ECI1: variants seen among roughly 807,000 people sequenced by gnomAD.
ECI1 encodes enoyl-CoA delta isomerase 1, also known as enoyl-CoA delta isomerase 1, mitochondrial.
Under a neutral mutation model 34.2 loss-of-function variants are expected in ECI1, and 34 were observed. The ratio of observed to expected loss-of-function variants is 1.00; its 90% CI spans 0.76 to 1.33. ECI1 has a LOEUF of 1.33. Among genes scored for constraint, ECI1 ranks in the 40% most tolerant of loss-of-function variants. The probability of loss-of-function intolerance (pLI) is 0.00; values close to 1 mark genes in which losing one functional copy is unlikely to be tolerated. For synonymous variants in ECI1, 211 were observed against 193.0 expected (o/e 1.09, Z -0.77); for missense variants, 456 against 422.2 (o/e 1.08, Z -0.70).
At chr16:2,250,932 C>A (rs1333692312) in intron 2 of ECI1, among the ~76,000 whole-genome samples, 1 of 152,228 alleles carries the variant, frequency 6.6e-6, no homozygotes, top group African/African-American at 2.4e-5. Context: ...AGCGATTCTT[C>A]TGCCTCAGCC....
intron 2 of ECI1, among the ~76,000 whole-genome samples, chr16:2,249,038 T>C (rs2093546734): frequency 6.6e-6 from 1 of 151,838 alleles, no homozygotes; most frequent in African/African-American, 2.4e-5. Context: ...ATTTATTTAT[T>C]TTATTTAATT....
chr16:2,239,924 C>T lies in ECI1; in HGVS notation c.*55G>A, dbSNP rs1244824543. ...AAGTTGAAAAATACCTTGTTTAAGACCTCCCTGGGACCCACAGGGGCACGT... is the reference window on the plus strand; with the variant it reads ...AAGTTGAAAAATACCTTGTTTAAGATCTCCCTGGGACCCACAGGGGCACGT... On this transcript the variant is annotated 3_prime_UTR_variant, in exon 7 of 7. Transcript: ENST00000301729. 6.3e-7 allele frequency: 1 copy of T among 1,576,920 alleles called. No homozygotes were observed. Among genetic ancestry groups the T allele is most frequent in the Non-Finnish European group, 8.7e-7 (1 of 1,146,958 alleles).
intron 2 of ECI1, among the ~76,000 whole-genome samples, chr16:2,249,876 CAAAAAAAAAAA>C (rs869259386): frequency 2.9e-4 from 6 of 20,348 alleles, no homozygotes; most frequent in Admixed American, 8.6e-4. Context: ...GACTCCGTCT[CAAAAAAAAAAA>C]AAAAAAAAAA....
At chr16:2,244,333 G>T in intron 4 of ECI1, 73 bp downstream of exon 4, 2 of 1,524,896 alleles carry the variant, frequency 1.3e-6, no homozygotes, top group Non-Finnish European at 1.8e-6. Flanking sequence ...CCAAGGGCAG[G>T]ACAGTGTCTG....
Position 2,251,352 on chromosome 16 carries a change from T to C in ECI1, c.130A>G (p.Ser44Gly), listed in dbSNP as rs1230236187. 2 of 1,249,954 alleles carry C rather than the reference T, an allele frequency of 1.6e-6. No individual in the cohort carries two copies. Among genetic ancestry groups the C allele is most frequent in the South Asian group, 6.0e-5 (2 of 33,554 alleles). The allele number at this position is 1,249,954 out of a possible 1,614,324, so 77.4% of individuals were successfully genotyped here. A position where few individuals can be genotyped will look rare whatever the true frequency, so the allele number is the denominator to read the frequency against. The change falls in exon 2 of 7, where the codon AGC becomes GGC. Residue 44 changes from serine to glycine, a missense_variant. Transcript: ENST00000301729. ...TCCGGCTCCACCAGCACCCGCTGGCTCCCGAAGCGCCGCGCGCCGTCTCCG... is the reference window on the plus strand; with the variant it reads ...TCCGGCTCCACCAGCACCCGCTGGCCCCCGAAGCGCCGCGCGCCGTCTCCG... ...GGGDGARRFG[S>G]QRVLVEPDAG...
rs140154367 is a variant in ECI1 at position 2,246,978 on chromosome 16, C to A, written c.175G>T (p.Val59Leu). The part of the protein sequence containing the change: ...VEPDAGAGVA[V>L]MKFKNPPVNS... ...ACTGGGGGGTTCTTGAATTTCATCA[C>A]AGCGACCCCTAATTTAAAGAATGAG... is the stretch of plus-strand genomic sequence containing the variant. Residue 59 changes from valine (V) to leucine (L), a missense_variant, in exon 3 of 7, where the codon GTG (valine) becomes TTG (leucine). Coordinates refer to ENST00000301729, the MANE Select transcript of ECI1 (RefSeq NM_001919.4). 2.0e-5 allele frequency: 32 copies of A among 1,613,328 alleles called. No homozygotes were observed. Among genetic ancestry groups the A allele is most frequent in the Non-Finnish European group, 2.5e-5 (30 of 1,179,994 alleles).
At chr16:2,242,754 C>G in intron 6 of ECI1, 1 of 500,434 alleles carries the variant, frequency 2.0e-6, no homozygotes, top group Non-Finnish European at 3.6e-6. Flanking sequence ...CCAGGGAGGC[C>G]TGGAGCCAGC....
intron 2 of ECI1, among the ~76,000 whole-genome samples, chr16:2,249,609 C>G (rs1028450779): frequency 4.0e-5 from 6 of 151,422 alleles, no homozygotes. Context: ...CGGTGGCTCA[C>G]GCCTGTAATC....
At position 2,244,528 on chromosome 16, in the gene ECI1, C is replaced by T. The variant is rs375300423; in HGVS notation, c.319G>A (p.Gly107Ser). The change falls in exon 4 of 7, where the codon GGC (glycine) becomes AGC (serine). Residue 107 changes from glycine (G) to serine (S), a missense_variant. Transcript: ENST00000301729. ...CCACACATCTCCGTCAGGTCCAGGC[C>T]GGCCGAGAAGACACCCGGGCGGTCC... The part of the protein sequence containing the change: ...TSDRPGVFSA[G>S]LDLTEMCGRS... 2.5e-4 allele frequency: 400 copies of T among 1,593,860 alleles called. No individual in the cohort carries two copies. The highest frequency in any genetic ancestry group is 3.2e-4 in the Non-Finnish European group (375 of 1,171,136).
In ECI1 at chr16:2,243,179, C is replaced by G; in HGVS notation, c.609G>C (p.Glu203Asp). The G allele has an allele frequency of 1.9e-6, 3 of 1,609,084 alleles. No homozygotes were observed. Among genetic ancestry groups the G allele is most frequent in the Admixed American group, 1.7e-5 (1 of 60,012 alleles). The change falls in exon 6 of 7, where the codon GAG becomes GAC. Residue 203 changes from glutamate to aspartate, a missense_variant. By Grantham distance (45) the Glu-to-Asp change is conservative. Transcript: ENST00000301729. ...AGAGCAGCCCCAGCTGCAGGGCACG[C>G]TCCGCCGCCCGGTGCCCGATGGTGT... ...LENTIGHRAA[E>D]RALQLGLLFP...
intron 3 of ECI1, among the ~76,000 whole-genome samples, chr16:2,245,802 C>G (rs1243481384): frequency 6.6e-6 from 1 of 152,144 alleles, no homozygotes; most frequent in Non-Finnish European, 1.5e-5. Context: ...TGCTTGAGCC[C>G]AGGAGTTCAA....
Position 2,239,987 on chromosome 16 carries a change from TTTC to T in ECI1, c.898_900del (p.Glu300del), listed in dbSNP as rs983928061. 45 of 1,613,770 alleles carry T rather than the reference TTTC, an allele frequency of 2.8e-5. No homozygotes were observed. The highest frequency in any genetic ancestry group is 3.7e-5 in the Non-Finnish European group (44 of 1,180,024). On this transcript the variant is annotated inframe_deletion, in exon 7 of 7. Transcript: ENST00000301729. ...CTGTGGCAGCCCAATCGTTAGCCTTTTTCTTCTTTGAGCCTCTCTAAGTACATC... is the reference window on the plus strand; with the variant it reads ...CTGTGGCAGCCCAATCGTTAGCCTTTTTCTTTGAGCCTCTCTAAGTACATC...
intron 2 of ECI1, among the ~76,000 whole-genome samples, chr16:2,248,534 C>A (rs2141508520): frequency 6.6e-6 from 1 of 152,228 alleles, no homozygotes; most frequent in African/African-American, 2.4e-5. Context: ...TCTGCCTCAG[C>A]CTCCTGAGAA....
At chr16:2,248,216 C>T (rs1046805284) in intron 2 of ECI1, among the ~76,000 whole-genome samples, 1 of 151,914 alleles carries the variant, frequency 6.6e-6, no homozygotes, top group African/African-American at 2.4e-5. Context: ...CCTGCCTCAG[C>T]CTCCTGAGTA....
chr16:2,250,365 G>C (rs1358992960), intron 2 of ECI1, among the ~76,000 whole-genome samples: 2 of 151,952 alleles, frequency 1.3e-5, no homozygotes, highest in African/African-American at 4.8e-5. Context: ...CCCAGACAGA[G>C]AGGACGGAAC....
At position 2,251,397 on chromosome 16, in the gene ECI1, T is replaced by G. The variant is rs1720704205; in HGVS notation, c.85A>C (p.Thr29Pro). The G allele has an allele frequency of 7.8e-7, 1 of 1,284,312 alleles. No homozygotes were observed. Among genetic ancestry groups the G allele is most frequent in the Non-Finnish European group, 9.8e-7 (1 of 1,018,032 alleles). 79.6% of individuals were successfully genotyped at this position (1,284,312 alleles called of 1,614,324 possible). A position where few individuals can be genotyped will look rare whatever the true frequency, so the allele number is the denominator to read the frequency against. The change falls in exon 2 of 7, where the codon ACG (threonine) becomes CCG (proline). Residue 29 changes from threonine (T) to proline (P), a missense_variant. Physicochemically the swap from Thr to Pro is conservative, Grantham distance 38. Coordinates refer to ENST00000301729, the MANE Select transcript of ECI1 (RefSeq NM_001919.4). ...TCTCCGCCGCCGGCCGCCCGCTCCG[T>G]CCGCCCGAGGGCCGCGCCCGGGAGC... ...ARLPGAALGRTERAAGGGDGA... is the reference protein window; with the variant it reads ...ARLPGAALGRPERAAGGGDGA...
intron 2 of ECI1, 23 bp downstream of exon 2, chr16:2,251,293 C>T: frequency 8.8e-7 from 1 of 1,141,770 alleles, no homozygotes; most frequent in South Asian, 3.6e-5. Context: ...CACGCCCGCC[C>T]TCCCTCGGCG....
chr16:2,243,737 T>C (rs1471160640), intron 4 of ECI1, among the ~76,000 whole-genome samples: 2 of 152,210 alleles, frequency 1.3e-5, no homozygotes, highest in East Asian at 3.8e-4. Context: ...AAGTCGCTTG[T>C]CCTCTCAGTG....
At chr16:2,244,005 C>G (rs1645875766) in intron 4 of ECI1, 2 of 346,008 alleles carry the variant, frequency 5.8e-6, no homozygotes, top group African/African-American at 4.3e-5. Flanking sequence ...CACAGCCACC[C>G]CGCAGGACAC....
Sources: gnomAD v4.1 joint callset for allele counts (sites outside exome capture counted in the v4.1 genomes callset) on GRCh38, gnomAD v4.1.1 for gene constraint, MANE v1.5 for transcripts, NCBI Gene and HGNC (gene_info 2026-07-23, HGNC 2026-07-21) for gene names.